MRPS30: variants seen among roughly 807,000 people sequenced by gnomAD.
MRPS30 encodes mitochondrial ribosomal protein S30.
In MRPS30, 42 loss-of-function variants were observed where a neutral mutation model predicts 43.8. The observed-to-expected ratio is 0.96, with a 90% confidence interval of 0.75 to 1.24. The LOEUF is 1.24. Among genes scored for constraint, MRPS30 ranks in the 50% most tolerant of loss-of-function variants. The pLI, the probability that MRPS30 is intolerant of heterozygous loss-of-function variation, is 0.00. For synonymous variants in MRPS30, 273 were observed against 228.2 expected (o/e 1.20, Z -1.77); for missense variants, 638 against 570.0 (o/e 1.12, Z -1.22).
Position 44,811,930 on chromosome 5 carries a change from T to A in MRPS30, c.763T>A (p.Tyr255Asn). ...KQLAEFVPLDYSVPIEIPTIK... is the reference protein window; with the variant it reads ...KQLAEFVPLDNSVPIEIPTIK... ...TTTCTTTAAGTTTGTGCCATTGGAT[T>A]ATTCTGTTCCTATAGAAATCCCCAC... The change falls in exon 3 of 5, where the codon TAT (tyrosine) becomes AAT (asparagine). Residue 255 changes from tyrosine to asparagine, a missense_variant. Coordinates refer to ENST00000507110, the MANE Select transcript of MRPS30 (RefSeq NM_016640.4). The A allele has an allele frequency of 6.4e-7, 1 of 1,567,588 alleles. No individual in the cohort carries two copies. Among genetic ancestry groups the A allele is most frequent in the Non-Finnish European group, 8.7e-7 (1 of 1,155,292 alleles).
In MRPS30 at chr5:44,814,908, T is replaced by C; in HGVS notation, c.1031-5T>C. ...TGTAAATTTCAGCATAACTTTCTTC[T>C]ACAGGATTCTGGAGTGAAGCAGATG... is the stretch of plus-strand genomic sequence containing the variant. On this transcript the variant is annotated splice_region_variant and splice_polypyrimidine_tract_variant and intron_variant, in intron 4 of 4. Coordinates refer to ENST00000507110, the MANE Select transcript of MRPS30 (RefSeq NM_016640.4). 6.3e-7 allele frequency: 1 copy of C among 1,594,088 alleles called. No individual in the cohort carries two copies. The highest frequency in any genetic ancestry group is 8.5e-7 in the Non-Finnish European group (1 of 1,170,864).
chr5:44,811,193 G>C (rs373372610), intron 2 of MRPS30, 39 bp downstream of exon 2: 1 of 1,602,114 alleles, frequency 6.2e-7, no homozygotes, highest in South Asian at 1.1e-5. Context: ...TTGATATCTC[G>C]TGTAGGATTT....
At position 44,809,454 on chromosome 5, in the gene MRPS30, C is replaced by G; in HGVS notation, c.492C>G (p.His164Gln). ...HFYLRRRRRV[H>Q]RYEESEVISL... is the part of the protein sequence containing the mutation. ...ACCTGCGGCGCAGGCGGCGCGTGCA[C>G]CGTTACGAGGAGAGCGAGGTCATAT... The change falls in exon 1 of 5, where the codon CAC becomes CAG. Residue 164 changes from histidine to glutamine, a missense_variant. Transcript: ENST00000507110. The G allele has an allele frequency of 6.2e-7, 1 of 1,613,902 alleles. No individual in the cohort carries two copies. Among genetic ancestry groups the G allele is most frequent in the East Asian group, 2.2e-5 (1 of 44,852 alleles).
chr5:44,811,666 G>A (rs1283487531), intron 2 of MRPS30, among the ~76,000 whole-genome samples: 1 of 152,184 alleles, frequency 6.6e-6, no homozygotes, highest in Non-Finnish European at 1.5e-5. Flanking sequence ...TGTTGCAAGT[G>A]TTCAGCTCTG....
At chr5:44,813,820 A>G (rs1256881016) in intron 4 of MRPS30, among the ~76,000 whole-genome samples, 1 of 152,162 alleles carries the variant, frequency 6.6e-6, no homozygotes, top group Non-Finnish European at 1.5e-5. Context: ...AAAAGATAAT[A>G]AGCATGTAAT....
Position 44,809,055 on chromosome 5 carries a change from G to T in MRPS30, c.93G>T (p.Thr31=). The part of the protein sequence containing the change: ...AANAAATATE[T]TCQDVAATPV... ...ATGCCGCCGCCACGGCTACAGAAACGACCTGCCAAGACGTCGCGGCGACCC... is the reference window on the plus strand; with the variant it reads ...ATGCCGCCGCCACGGCTACAGAAACTACCTGCCAAGACGTCGCGGCGACCC... The change falls in exon 1 of 5, where the codon ACG becomes ACT. Residue 31 remains threonine, a synonymous_variant. Coordinates refer to ENST00000507110, the MANE Select transcript of MRPS30 (RefSeq NM_016640.4). 1 of 1,610,440 alleles carries T rather than the reference G, an allele frequency of 6.2e-7. No individual in the cohort carries two copies. Among genetic ancestry groups the T allele is most frequent in the South Asian group, 1.1e-5 (1 of 90,780 alleles).
Position 44,812,010 on chromosome 5 carries a change from C to T in MRPS30, c.843C>T (p.His281=), listed in dbSNP as rs1473698289. The change falls in exon 3 of 5, where the codon CAC becomes CAT. Residue 281 remains histidine (H), a synonymous_variant. Transcript: ENST00000507110. ...LPLFKRQYEN[H]IFVGSKTADP... ...TATTCAAACGGCAGTATGAAAACCA[C>T]ATATTTGTTGGTAAGTTTCTCTTTT... 1 of 1,582,628 alleles carries T rather than the reference C, an allele frequency of 6.3e-7. No individual in the cohort carries two copies. The highest frequency in any genetic ancestry group is 1.8e-5 in the Admixed American group (1 of 55,992).
At chr5:44,812,783 C>T (rs761237628) in intron 3 of MRPS30, among the ~76,000 whole-genome samples, 4 of 151,786 alleles carry the variant, frequency 2.6e-5, no homozygotes, top group African/African-American at 9.7e-5. Context: ...GACAAGGAGA[C>T]AACCATAGCT....
chr5:44,809,259 G>A lies in MRPS30; in HGVS notation c.297G>A (p.Ala99=), dbSNP rs1561262386. 1 of 1,613,558 alleles carries A rather than the reference G, an allele frequency of 6.2e-7. No individual in the cohort carries two copies. The highest frequency in any genetic ancestry group is 8.5e-7 in the Non-Finnish European group (1 of 1,179,892). Residue 99 remains alanine (A), a synonymous_variant, in exon 1 of 5, where the codon GCG becomes GCA. Coordinates refer to ENST00000507110, the MANE Select transcript of MRPS30 (RefSeq NM_016640.4). ...ACATGGTTTACCCGCAGACCTTCGC[G>A]CTGAATGCCGACCGCTGGTACCAGT... ...MKYMVYPQTF[A]LNADRWYQYF... is the part of the protein sequence containing the mutation.
In MRPS30 at chr5:44,809,113, A is replaced by C. The variant is rs755553823; in HGVS notation, c.151A>C (p.Met51Leu). Residue 51 changes from methionine to leucine, a missense_variant, in exon 1 of 5, where the codon ATG (methionine) becomes CTG (leucine). Coordinates refer to ENST00000507110, the MANE Select transcript of MRPS30 (RefSeq NM_016640.4). ...VARYPPIVASMTADSKAARLR... is the reference protein window; with the variant it reads ...VARYPPIVASLTADSKAARLR... The stretch of plus-strand genomic sequence containing the variant: ...GCGGTACCCGCCGATTGTGGCCTCC[A>C]TGACAGCCGACAGCAAAGCTGCACG... 22 of 1,611,844 alleles carry C rather than the reference A, an allele frequency of 1.4e-5. No homozygotes were observed. The highest frequency in any genetic ancestry group is 1.3e-4 in the Admixed American group (8 of 59,862).
At position 44,809,110 on chromosome 5, in the gene MRPS30, TC is replaced by T. The variant is rs773561586; in HGVS notation, c.150del (p.Met51Ter). ...PVARYPPIVA[S>X]MTADSKAARL... ...CGCGCGGTACCCGCCGATTGTGGCC[TC>T]CATGACAGCCGACAGCAAAGCTGCA... On this transcript the variant is annotated frameshift_variant, in exon 1 of 5. Transcript: ENST00000507110. LOFTEE classifies it high-confidence loss of function. The T allele has an allele frequency of 1.9e-6, 3 of 1,611,828 alleles. No individual in the cohort carries two copies. In the Admixed American group the frequency reaches 5.0e-5, roughly 27 times the overall value.
chr5:44,813,231 A>G lies in MRPS30; in HGVS notation c.979A>G (p.Asn327Asp). 1 of 1,611,666 alleles carries G rather than the reference A, an allele frequency of 6.2e-7. No homozygotes were observed. Among genetic ancestry groups the G allele is most frequent in the Non-Finnish European group, 8.5e-7 (1 of 1,179,102 alleles). ...TCAGATAGAAGTTGTTTTTAGAGCT[A>G]ATGCTATTGCAAGCCTTTTTGCTTG... ...ADQIEVVFRA[N>D]AIASLFAWTG... Residue 327 changes from asparagine to aspartate, a missense_variant, in exon 4 of 5, where the codon AAT (asparagine) becomes GAT (aspartate). Asn to Asp is a conservative substitution (Grantham distance 23). Transcript: ENST00000507110.
chr5:44,810,222 A>C lies in MRPS30; in HGVS notation c.601+659A>C, dbSNP rs1036297975. Among the ~76,000 whole-genome samples, 3 of 152,146 alleles carry C rather than the reference A, an allele frequency of 2.0e-5. No homozygotes were observed. In the East Asian group the frequency reaches 5.8e-4, roughly 29 times the overall value. ...AGCAATGTTTTGGTAAATGAAAAAA[A>C]GACAAAAACGTAACAAACTGAGGCA... is the stretch of plus-strand genomic sequence containing the variant. On this transcript the variant is annotated intron_variant, in intron 1 of 4. Coordinates refer to ENST00000507110, the MANE Select transcript of MRPS30 (RefSeq NM_016640.4).
rs768353204 is a variant in MRPS30, at chr5:44,809,269, G to A, written c.307G>A (p.Asp103Asn). 3.4e-5 allele frequency: 55 copies of A among 1,613,460 alleles called. No homozygotes were observed. Among genetic ancestry groups the A allele is most frequent in the Non-Finnish European group, 4.2e-5 (49 of 1,179,872 alleles). The change falls in exon 1 of 5, where the codon GAC becomes AAC. Residue 103 changes from aspartate (D) to asparagine (N), a missense_variant. By Grantham distance (23) the Asp-to-Asn change is conservative (BLOSUM62 1). Transcript: ENST00000507110. ...VYPQTFALNADRWYQYFTKTV... is the reference protein window; with the variant it reads ...VYPQTFALNANRWYQYFTKTV... The stretch of plus-strand genomic sequence containing the variant: ...CCCGCAGACCTTCGCGCTGAATGCC[G>A]ACCGCTGGTACCAGTACTTCACCAA...
chr5:44,811,213 A>G (rs1742835467), intron 2 of MRPS30, 59 bp downstream of exon 2: 1 of 1,568,230 alleles, frequency 6.4e-7, no homozygotes, highest in African/African-American at 1.4e-5. Context: ...TGTCATAGGC[A>G]GGTTGAGTAA....
At chr5:44,812,116 GA>G (rs1410196935) in intron 3 of MRPS30, 96 bp downstream of exon 3, 19 of 816,928 alleles carry the variant, frequency 2.3e-5, no homozygotes, top group Non-Finnish European at 3.7e-5. Flanking sequence ...AATTCTCGAA[GA>G]CCGAGAGGTT....
chr5:44,811,889 T>C, intron 2 of MRPS30, 26 bp from the exon 3 acceptor site: 1 of 1,352,832 alleles, frequency 7.4e-7, no homozygotes, highest in Non-Finnish European at 1.0e-6. Context: ...GCTGTGAATT[T>C]AGTATGTCTT....
intron 1 of MRPS30, chr5:44,810,063 T>G (rs944478540): frequency 1.9e-5 from 3 of 153,878 alleles, no homozygotes; most frequent in African/African-American, 4.8e-5. Context: ...AGTTCTTTGT[T>G]GTAGAATTGT....
rs927465410 is a variant in MRPS30, at chr5:44,809,538, C to T, written c.576C>T (p.Asn192=). 6.2e-7 allele frequency: 1 copy of T among 1,605,280 alleles called. No individual in the cohort carries two copies. The highest frequency in any genetic ancestry group is 8.5e-7 in the Non-Finnish European group (1 of 1,175,762). The change falls in exon 1 of 5, where the codon AAC becomes AAT. Residue 192 remains asparagine (N), a synonymous_variant. Transcript: ENST00000507110. ...STLVGLLSPH[N]PALAAAALDY... is the part of the protein sequence containing the mutation. ...TCGTGGGCCTCCTCAGCCCACACAA[C>T]CCGGCCCTGGCCGCTGCCGCCCTCG...
Sources: allele counts gnomAD v4.1 joint callset (sites outside exome capture counted in the v4.1 genomes callset), GRCh38; gene constraint gnomAD v4.1.1; transcripts MANE v1.5; gene names NCBI Gene and HGNC (gene_info 2026-07-23, HGNC 2026-07-21).